Variants in HOMER1 observed in about 807,000 individuals in gnomAD.
HOMER1 encodes the protein homer protein homolog 1.
Under a neutral mutation model 48.9 loss-of-function variants are expected in HOMER1, and 3 were observed. The ratio of observed to expected loss-of-function variants is 0.06; its 90% CI spans 0.03 to 0.16. The LOEUF is 0.16. Ranked by LOEUF, HOMER1 falls within the 10% of genes least tolerant of loss-of-function variation. The pLI is 1.00. For synonymous variants in HOMER1, 134 were observed against 146.4 expected, an observed-to-expected ratio of 0.92 and a Z score of 0.61; for missense variants, 247 against 411.4, an observed-to-expected ratio of 0.60 and a Z score of 3.46.
rs369250329 is a variant in HOMER1, at chr5:79,444,975, C to A, written c.387+2078G>T. 9.5e-4 allele frequency among the ~76,000 whole-genome samples: 144 copies of A among 152,146 alleles called. 5 individuals carry two copies. The South Asian group carries it at 0.03, about 31-fold the overall frequency. Reference sequence around the variant, plus strand: ...GGAGCTTTGGCTTCAATCCAGAGTACACCTTTAGTCTAAGGGAATATGCAC... The same window carrying A: ...GGAGCTTTGGCTTCAATCCAGAGTAAACCTTTAGTCTAAGGGAATATGCAC... On this transcript the variant is annotated intron_variant, in intron 4 of 8. Transcript: ENST00000334082.
chr5:79,391,936 G>A (rs1485163066), intron 8 of HOMER1, among the ~76,000 whole-genome samples: 1 of 152,072 alleles, frequency 6.6e-6, no homozygotes, highest in Non-Finnish European at 1.5e-5. Flanking sequence ...ATATGCAACA[G>A]TGGTCCCATA....
chr5:79,438,947 T>C (rs1466439248), intron 5 of HOMER1, 63 bp downstream of exon 5: 18 of 1,487,198 alleles, frequency 1.2e-5, no homozygotes, highest in East Asian at 2.3e-5. Flanking sequence ...CAAGGGTTCC[T>C]GAAACCAAAC....
chr5:79,437,871 G>A lies in HOMER1; in HGVS notation c.527+1139C>T, dbSNP rs545426225. On this transcript the variant is annotated intron_variant, in intron 5 of 8. Transcript: ENST00000334082. The stretch of plus-strand genomic sequence containing the variant: ...GGGGTCTCACTATGTTGCCCAGGCT[G>A]ATCTTGAACTCCTGTCCTCAGGTGA... Among the ~76,000 whole-genome samples the A allele has an allele frequency of 1.6e-4, 25 of 152,228 alleles. No individual in the cohort carries two copies. In the East Asian group the frequency reaches 4.4e-3, roughly 27 times the overall value.
At chr5:79,414,463 C>T (rs772129997) in intron 5 of HOMER1, among the ~76,000 whole-genome samples, 2 of 151,850 alleles carry the variant, frequency 1.3e-5, no homozygotes, top group Non-Finnish European at 2.9e-5. Context: ...CACTGCAACT[C>T]TGAACTCCTG....
At chr5:79,388,096 T>C (rs1486281223) in intron 8 of HOMER1, among the ~76,000 whole-genome samples, 4 of 151,528 alleles carry the variant, frequency 2.6e-5, no homozygotes, top group Non-Finnish European at 2.9e-5. Flanking sequence ...CCACTACCAG[T>C]GTGAATGCCA....
chr5:79,467,697 TAAAACG>T (rs1231640848), intron 1 of HOMER1, among the ~76,000 whole-genome samples: 1 of 152,202 alleles, frequency 6.6e-6, no homozygotes, highest in Non-Finnish European at 1.5e-5. Context: ...AAACAAACAA[TAAAACG>T]TCACAGCACT....
At chr5:79,389,683 C>T (rs1749198798) in intron 8 of HOMER1, among the ~76,000 whole-genome samples, 1 of 152,132 alleles carries the variant, frequency 6.6e-6, no homozygotes, top group South Asian at 2.1e-4. Flanking sequence ...ACAACCAAAC[C>T]CGCCCGTACC....
intron 1 of HOMER1, among the ~76,000 whole-genome samples, chr5:79,491,589 TGGCAATATACATTTGGGGAAGA>T (rs1403857879): frequency 1.3e-5 from 2 of 152,140 alleles, no homozygotes. Context: ...ACTGTGATAC[TGGCAATATACATTTGGGGAAGA>T]AATGAAAGGT....
intron 1 of HOMER1, among the ~76,000 whole-genome samples, chr5:79,476,101 T>C (rs1172624953): frequency 6.6e-6 from 1 of 152,146 alleles, no homozygotes; most frequent in Non-Finnish European, 1.5e-5. Flanking sequence ...CCAAATACTA[T>C]ATAAATAGGA....
intron 1 of HOMER1, among the ~76,000 whole-genome samples, chr5:79,467,774 T>C (rs1294669197): frequency 2.6e-5 from 4 of 152,158 alleles, no homozygotes; most frequent in Non-Finnish European, 4.4e-5. Flanking sequence ...CTTTATATAA[T>C]ATAGGCCGGT....
At chr5:79,484,081 T>C (rs916028837) in intron 1 of HOMER1, among the ~76,000 whole-genome samples, 4 of 149,374 alleles carry the variant, frequency 2.7e-5, no homozygotes, top group African/African-American at 9.8e-5. Context: ...TTTATAACAT[T>C]AGGATTAAAT....
rs149426797 is a variant in HOMER1 at position 79,498,715 on chromosome 5, G to A, written c.5+14055C>T. Among the ~76,000 whole-genome samples the A allele has an allele frequency of 6.6e-5, 10 of 151,958 alleles. 1 individual carries two copies. The highest frequency in any genetic ancestry group is 6.6e-4 in the Admixed American group (10 of 15,256). On this transcript the variant is annotated intron_variant, in intron 1 of 8. Coordinates refer to ENST00000334082, the MANE Select transcript of HOMER1 (RefSeq NM_004272.5). ...ATTCCAAAAAATAATTTTAAATCTG[G>A]ATACAATATGGTCCAACCTTCTCTT... is the stretch of plus-strand genomic sequence containing the variant.
intron 1 of HOMER1, among the ~76,000 whole-genome samples, chr5:79,500,963 GACACACACACACACACAC>G (rs140189642): frequency 2.7e-4 from 27 of 101,686 alleles, no homozygotes; most frequent in Middle Eastern, 7.5e-3. Context: ...GAGACAGACA[GACACACACACACACACAC>G]ACACACACAC....
chr5:79,434,900 T>A (rs1750532609), intron 5 of HOMER1, among the ~76,000 whole-genome samples: 1 of 152,172 alleles, frequency 6.6e-6, no homozygotes, highest in African/African-American at 2.4e-5. Context: ...TATAAAAAGT[T>A]GTAATAGCTT....
chr5:79,374,526 A>G lies in HOMER1; in HGVS notation c.*1483T>C, dbSNP rs1004152836. 3 of 152,032 alleles carry G rather than the reference A, an allele frequency of 2.0e-5. No individual in the cohort carries two copies. The highest frequency in any genetic ancestry group is 4.4e-5 in the Non-Finnish European group (3 of 67,872). The allele number at this position is 152,032 out of a possible 1,614,324, so 9.4% of individuals were successfully genotyped here. A position where few individuals can be genotyped will look rare whatever the true frequency, so the allele number is the denominator to read the frequency against. On this transcript the variant is annotated 3_prime_UTR_variant, in exon 9 of 9. Transcript: ENST00000334082. ...GGTTAATTAGCTTAATTTTGTACTTAACAATTCGATCATTTTGGGGTACAA... is the reference window on the plus strand; with the variant it reads ...GGTTAATTAGCTTAATTTTGTACTTGACAATTCGATCATTTTGGGGTACAA...
chr5:79,491,031 G>C (rs901540096), intron 1 of HOMER1, among the ~76,000 whole-genome samples: 2 of 113,654 alleles, frequency 1.8e-5, no homozygotes, highest in Admixed American at 2.5e-4. Flanking sequence ...GAAGGGAACA[G>C]ATATATTCCA....
At chr5:79,449,497 G>C (rs904246390) in intron 3 of HOMER1, among the ~76,000 whole-genome samples, 1 of 152,142 alleles carries the variant, frequency 6.6e-6, no homozygotes, top group Admixed American at 6.5e-5. Flanking sequence ...TTTTGAGACA[G>C]AGTCTTGCTC....
intron 4 of HOMER1, among the ~76,000 whole-genome samples, chr5:79,444,135 C>T (rs1453205495): frequency 2.0e-5 from 3 of 152,186 alleles, no homozygotes; most frequent in African/African-American, 7.2e-5. Flanking sequence ...TTACATTCTT[C>T]AGGCAGCATT....
intron 4 of HOMER1, among the ~76,000 whole-genome samples, chr5:79,440,541 T>C (rs1182893984): frequency 6.6e-6 from 1 of 152,204 alleles, no homozygotes; most frequent in Non-Finnish European, 1.5e-5. Flanking sequence ...AGCTGTTTCC[T>C]TTAGCTGACA....
Sources: allele counts gnomAD v4.1 joint callset (sites outside exome capture counted in the v4.1 genomes callset), GRCh38; gene constraint gnomAD v4.1.1; transcripts MANE v1.5; gene names NCBI Gene and HGNC (gene_info 2026-07-23, HGNC 2026-07-21).